Variants in CDH19 observed in about 807,000 individuals in gnomAD.
CDH19 encodes cadherin-19.
A neutral mutation model predicts 64.2 loss-of-function variants in CDH19; 67 were observed. The ratio of observed to expected loss-of-function variants is 1.04; its 90% CI spans 0.86 to 1.28. The LOEUF (loss-of-function observed/expected upper bound fraction) is 1.28, where lower values mean the gene tolerates loss of function less well. Among genes scored for constraint, CDH19 ranks in the 50% most tolerant of loss-of-function variants. CDH19 has a pLI of 0.00. For missense variants in CDH19, 1,030 were observed against 929.0 expected (o/e 1.11, Z -1.41); for synonymous variants, 346 against 319.3 (o/e 1.08, Z -0.89).
intron 10 of CDH19, among the ~76,000 whole-genome samples, chr18:66,510,953 C>CA (rs757205903): frequency 6.6e-6 from 1 of 151,560 alleles, no homozygotes; most frequent in African/African-American, 2.4e-5. Context: ...CTTATTATGA[C>CA]AAAAAGTATC....
intron 3 of CDH19, among the ~76,000 whole-genome samples, chr18:66,561,605 C>T (rs771006601): frequency 1.3e-5 from 2 of 151,866 alleles, no homozygotes; most frequent in Non-Finnish European, 2.9e-5. Context: ...TTTGGGGGAC[C>T]GAAGGGTCCA....
chr18:66,547,678 T>A (rs1987172243), intron 5 of CDH19, among the ~76,000 whole-genome samples: 1 of 140,456 alleles, frequency 7.1e-6, no homozygotes, highest in Admixed American at 7.1e-5. Flanking sequence ...TTTTTTTTTT[T>A]TTTTTTTGAG....
Position 66,548,268 on chromosome 18 carries a change from T to TAAAA in CDH19, c.775+2822_775+2825dup, listed in dbSNP as rs372768193. On this transcript the variant is annotated intron_variant, in intron 5 of 11. Transcript: ENST00000262150. The stretch of plus-strand genomic sequence containing the variant: ...CTTTATATATATATATATATTTTTT[T>TAAAA]AAAAATATATAATATATGAAGTTGA... Among the ~76,000 whole-genome samples the TAAAA allele has an allele frequency of 1.6e-4, 23 of 146,070 alleles. 1 individual carries two copies. The South Asian group carries it at 4.4e-3, about 28-fold the overall frequency.
chr18:66,575,021 T>TA (rs1246091330), intron 1 of CDH19, among the ~76,000 whole-genome samples: 4 of 151,720 alleles, frequency 2.6e-5, no homozygotes, highest in African/African-American at 7.3e-5. Context: ...AAAGAACATG[T>TA]AAAAAAATTA....
intron 5 of CDH19, among the ~76,000 whole-genome samples, chr18:66,548,323 C>T (rs1253364396): frequency 2.0e-5 from 3 of 149,576 alleles, no homozygotes; most frequent in Non-Finnish European, 3.0e-5. Context: ...TTGCGAAGCT[C>T]AAGGGAGAAG....
chr18:66,536,891 A>G (rs1349832434), intron 7 of CDH19, among the ~76,000 whole-genome samples: 1 of 151,862 alleles, frequency 6.6e-6, no homozygotes, highest in Non-Finnish European at 1.5e-5. Context: ...ACATCAGAAA[A>G]TTCATAAATA....
chr18:66,520,434 T>A (rs1252779374), intron 9 of CDH19, among the ~76,000 whole-genome samples: 1 of 148,310 alleles, frequency 6.7e-6, no homozygotes, highest in African/African-American at 2.5e-5. Context: ...AAGTTACCAA[T>A]TATTTTTGGA....
At chr18:66,520,133 C>G (rs1032401096) in intron 9 of CDH19, among the ~76,000 whole-genome samples, 1 of 151,976 alleles carries the variant, frequency 6.6e-6, no homozygotes, top group Non-Finnish European at 1.5e-5. Context: ...TGCAGTGAGC[C>G]GAGATTGCAC....
chr18:66,539,837 T>C (rs1986819928), intron 7 of CDH19, among the ~76,000 whole-genome samples: 5 of 152,108 alleles, frequency 3.3e-5, no homozygotes, highest in Admixed American at 3.3e-4. Context: ...CTTGTGTGTA[T>C]GCATGTGTAT....
At position 66,568,720 on chromosome 18, in the gene CDH19, GA is replaced by G; in HGVS notation, c.196-11del. ...CTAAATCAGATCTTAGCTGCAAATG[GA>G]AAGAGGGATCATTTAGTTTCCAAAC... is the stretch of plus-strand genomic sequence containing the variant. On this transcript the variant is annotated splice_polypyrimidine_tract_variant and intron_variant, in intron 2 of 11. Coordinates refer to ENST00000262150, the MANE Select transcript of CDH19 (RefSeq NM_021153.4). 6.3e-7 allele frequency: 1 copy of G among 1,575,300 alleles called. No individual in the cohort carries two copies. The highest frequency in any genetic ancestry group is 8.6e-7 in the Non-Finnish European group (1 of 1,164,216).
At chr18:66,560,939 T>C (rs191199827) in intron 3 of CDH19, among the ~76,000 whole-genome samples, 2 of 152,176 alleles carry the variant, frequency 1.3e-5, no homozygotes, top group Admixed American at 6.6e-5. Context: ...AAAAGACAAA[T>C]AATATATATG....
In CDH19 at chr18:66,571,828, C is replaced by T. The variant is rs192334079; in HGVS notation, c.195+182G>A. Among the ~76,000 whole-genome samples, 314 of 151,746 alleles carry T rather than the reference C, an allele frequency of 2.1e-3. 3 individuals are homozygous for T. The highest frequency in any genetic ancestry group is 3.4e-3 in the Middle Eastern group (1 of 294). ...AAATTTAAAAACCAGAGCTATCCCTCTTCAAGATTTTAGTGGATGTTTTAG... is the reference window on the plus strand; with the variant it reads ...AAATTTAAAAACCAGAGCTATCCCTTTTCAAGATTTTAGTGGATGTTTTAG... On this transcript the variant is annotated intron_variant, in intron 2 of 11. Transcript: ENST00000262150.
chr18:66,565,956 T>C (rs1987894097), intron 3 of CDH19, among the ~76,000 whole-genome samples: 1 of 151,942 alleles, frequency 6.6e-6, no homozygotes, highest in African/African-American at 2.4e-5. Context: ...TACCTCTATC[T>C]CAAATTGCAA....
At chr18:66,571,395 A>G (rs1328542491) in intron 2 of CDH19, among the ~76,000 whole-genome samples, 5 of 151,724 alleles carry the variant, frequency 3.3e-5, no homozygotes, top group Non-Finnish European at 7.4e-5. Flanking sequence ...CCTTATGGAA[A>G]AGGACATGAT....
rs1985486613 is a variant in CDH19 at position 66,511,567 on chromosome 18, C to G, written c.1576+1G>C. 2 of 1,198,084 alleles carry G rather than the reference C, an allele frequency of 1.7e-6. No homozygotes were observed. Among genetic ancestry groups the G allele is most frequent in the East Asian group, 4.7e-5 (2 of 42,640 alleles). 74.2% of individuals were successfully genotyped at this position (1,198,084 alleles called of 1,614,324 possible). On this transcript the variant is annotated splice_donor_variant, in intron 10 of 11. Transcript: ENST00000262150. LOFTEE classifies it high-confidence loss of function. The stretch of plus-strand genomic sequence containing the variant: ...AACTCATTATGAGTGAATGACATTA[C>G]CTTGATTATCTATGATTGTAAAACT...
rs187374512 is a variant in CDH19 at position 66,577,456 on chromosome 18, T to G, written c.-112-5140A>C. On this transcript the variant is annotated intron_variant, in intron 1 of 11. Coordinates refer to ENST00000262150, the MANE Select transcript of CDH19 (RefSeq NM_021153.4). The stretch of plus-strand genomic sequence containing the variant: ...GTGATCAATTGATTTTTGAAAAAGT[T>G]CAAAAGGTGAATCAATGGAGAAATA... Among the ~76,000 whole-genome samples the G allele has an allele frequency of 3.9e-5, 6 of 152,010 alleles. No homozygotes were observed. In the East Asian group the frequency reaches 1.2e-3, roughly 30 times the overall value.
At chr18:66,519,087 G>A (rs903936023) in intron 9 of CDH19, among the ~76,000 whole-genome samples, 37 of 152,004 alleles carry the variant, frequency 2.4e-4, no homozygotes, top group African/African-American at 8.9e-4. Flanking sequence ...TTTTTACTTT[G>A]TTAATTCGAC....
At chr18:66,542,872 T>G (rs1023137521) in intron 7 of CDH19, among the ~76,000 whole-genome samples, 3 of 152,072 alleles carry the variant, frequency 2.0e-5, no homozygotes, top group Non-Finnish European at 4.4e-5. Context: ...GGCAGAACAG[T>G]TTTATTCTGA....
At chr18:66,526,113 A>G (rs1598981320) in intron 9 of CDH19, among the ~76,000 whole-genome samples, 1 of 152,256 alleles carries the variant, frequency 6.6e-6, no homozygotes, top group South Asian at 2.1e-4. Context: ...AAAGAGAGCT[A>G]GTCTTTATGA....
Sources: allele counts gnomAD v4.1 joint callset (sites outside exome capture counted in the v4.1 genomes callset), GRCh38; gene constraint gnomAD v4.1.1; transcripts MANE v1.5; gene names NCBI Gene and HGNC (gene_info 2026-07-23, HGNC 2026-07-21).